VWA5B1: variants seen among roughly 807,000 people sequenced by gnomAD.
VWA5B1 encodes von Willebrand factor A domain containing 5B1.
In VWA5B1, 115 loss-of-function variants were observed where a neutral mutation model predicts 118.2. That is an observed-to-expected ratio of 0.97 (90% confidence interval 0.84 to 1.14). The LOEUF (loss-of-function observed/expected upper bound fraction) is 1.14, where lower values mean the gene tolerates loss of function less well. VWA5B1 is among the 50% of genes most tolerant of loss of function. VWA5B1 has a pLI of 0.00. For missense variants in VWA5B1, 1,596 were observed against 1,603.8 expected (o/e 1.00, Z 0.08); for synonymous variants, 682 against 658.4 (o/e 1.04, Z -0.55).
At position 20,300,405 on chromosome 1, in the gene VWA5B1, G is replaced by T. The variant is rs567420455; in HGVS notation, c.-27+9317G>T. 7.2e-5 allele frequency among the ~76,000 whole-genome samples: 11 copies of T among 152,262 alleles called. 1 individual carries two copies. In the South Asian group the frequency reaches 2.3e-3, roughly 32 times the overall value. On this transcript the variant is annotated intron_variant, in intron 1 of 21. Transcript: ENST00000289815. ...GAATTCTCAAGGTGCACCTCCTCTT[G>T]TTGTTAGATAAAGATGCCAGGACCC... is the stretch of plus-strand genomic sequence containing the variant.
chr1:20,347,663 A>G (rs550320281), intron 17 of VWA5B1, among the ~76,000 whole-genome samples: 36 of 151,652 alleles, frequency 2.4e-4, no homozygotes, highest in African/African-American at 7.8e-4. Context: ...GGGCCTCGCT[A>G]TGTTACCCAG....
intron 1 of VWA5B1, among the ~76,000 whole-genome samples, chr1:20,302,683 G>A (rs1284103173): frequency 6.6e-6 from 1 of 152,194 alleles, no homozygotes; most frequent in Non-Finnish European, 1.5e-5. Flanking sequence ...GACAGATAAC[G>A]TGAGTGGTGC....
chr1:20,291,296 G>T lies in VWA5B1; in HGVS notation c.-27+208G>T, dbSNP rs1245852130. On this transcript the variant is annotated intron_variant, in intron 1 of 21. Transcript: ENST00000289815. ...AGGATGCTTCAGCATAAGAAGTGAG[G>T]GAGCATGGCCACATGTTGCTACTCA... 2.0e-5 allele frequency among the ~76,000 whole-genome samples: 3 copies of T among 150,740 alleles called. No homozygotes were observed. The East Asian group carries it at 5.9e-4, about 30-fold the overall frequency.
chr1:20,291,165 A>AGT (rs71585753), intron 1 of VWA5B1, 77 bp downstream of exon 1: 5,781 of 134,912 alleles, frequency 0.043, 143 homozygotes, highest in African/African-American at 0.085. Flanking sequence ...GGCATGCATG[A>AGT]GTGTGTGTGT....
At position 20,343,338 on chromosome 1, in the gene VWA5B1, C is replaced by A. The variant is rs763021827; in HGVS notation, c.2571C>A (p.Arg857=). 114 of 1,541,928 alleles carry A rather than the reference C, an allele frequency of 7.4e-5. No homozygotes were observed. Among genetic ancestry groups the A allele is most frequent in the Non-Finnish European group, 9.6e-5 (110 of 1,144,998 alleles). ...WSETFHHLAA[R]AIIRDFEQLA... ...AGACCTTCCACCACCTGGCGGCCCG[C>A]GCCATCATCCGCGACTTCGAGCAGC... is the stretch of plus-strand genomic sequence containing the variant. The change falls in exon 16 of 22, where the codon CGC becomes CGA. Residue 857 remains arginine, a synonymous_variant. Coordinates refer to ENST00000289815, the MANE Select transcript of VWA5B1 (RefSeq NM_001039500.3).
intron 1 of VWA5B1, among the ~76,000 whole-genome samples, chr1:20,302,482 A>G (rs538410798): frequency 5.2e-4 from 79 of 152,300 alleles, no homozygotes; most frequent in African/African-American, 1.8e-3. Context: ...CTGAGGAGAG[A>G]CAGAGTCTCC....
Position 20,350,158 on chromosome 1 carries a change from A to G in VWA5B1, c.2881A>G (p.Met961Val). 6.4e-7 allele frequency: 1 copy of G among 1,551,272 alleles called. No individual in the cohort carries two copies. The highest frequency in any genetic ancestry group is 8.7e-7 in the Non-Finnish European group (1 of 1,146,964). ...CCTCACTGGCTCCTCTGTCCTAGAC[A>G]TGGAGGCAAGTCCCACTGCTCTCTT... ...LGEDSAPGND[M>V]EASPTALFSE... Residue 961 changes from methionine to valine, a missense_variant and splice_region_variant, in exon 19 of 22, where the codon ATG (methionine) becomes GTG (valine). Coordinates refer to ENST00000289815, the MANE Select transcript of VWA5B1 (RefSeq NM_001039500.3).
Position 20,355,969 on chromosome 1 carries a change from A to G in VWA5B1, c.*1706A>G, listed in dbSNP as rs2090223604. 6.6e-6 allele frequency among the ~76,000 whole-genome samples: 1 copy of G among 152,182 alleles called. No homozygotes were observed. The highest frequency in any genetic ancestry group is 2.4e-5 in the African/African-American group (1 of 41,438). ...AGGCCTGGACACTGTGGCCATCACA[A>G]CCCCAGGTGGGGCAGGATGCCAATC... On this transcript the variant is annotated 3_prime_UTR_variant, in exon 22 of 22. Coordinates refer to ENST00000289815, the MANE Select transcript of VWA5B1 (RefSeq NM_001039500.3).
chr1:20,329,048 T>C (rs1309875369), intron 9 of VWA5B1, among the ~76,000 whole-genome samples: 1 of 152,208 alleles, frequency 6.6e-6, no homozygotes, highest in African/African-American at 2.4e-5. Flanking sequence ...AATGTAACTG[T>C]AATGGCTTCC....
intron 1 of VWA5B1, among the ~76,000 whole-genome samples, chr1:20,308,716 A>T (rs1437005590): frequency 6.6e-6 from 1 of 152,116 alleles, no homozygotes; most frequent in Non-Finnish European, 1.5e-5. Context: ...ATAAGCCCAG[A>T]GCTGTCTGGG....
intron 16 of VWA5B1, 64 bp from the exon 17 acceptor site, chr1:20,345,392 A>C: frequency 6.5e-7 from 1 of 1,548,766 alleles, no homozygotes; most frequent in Non-Finnish European, 8.7e-7. Flanking sequence ...TTTAGCTTCC[A>C]AAGCTTGTGT....
chr1:20,320,315 A>G (rs1265545434), intron 7 of VWA5B1, among the ~76,000 whole-genome samples: 3 of 152,158 alleles, frequency 2.0e-5, no homozygotes, highest in Admixed American at 2.0e-4. Flanking sequence ...GGGGCAGTTG[A>G]GCTGGATTTC....
At chr1:20,333,696 G>A (rs1222888867) in intron 12 of VWA5B1, among the ~76,000 whole-genome samples, 1 of 152,234 alleles carries the variant, frequency 6.6e-6, no homozygotes, top group Non-Finnish European at 1.5e-5. Context: ...TTACGTGGAT[G>A]ATTCCCTTGT....
intron 1 of VWA5B1, among the ~76,000 whole-genome samples, chr1:20,305,155 G>GA (rs146504125): frequency 0.16 from 24,106 of 151,638 alleles, 2,741 homozygotes; most frequent in African/African-American, 0.32. Flanking sequence ...AAGTGCTAAG[G>GA]AAAAAAAACA....
At chr1:20,335,266 T>C (rs1382886669) in intron 12 of VWA5B1, among the ~76,000 whole-genome samples, 5 of 152,184 alleles carry the variant, frequency 3.3e-5, no homozygotes, top group Admixed American at 6.5e-5. Flanking sequence ...AGTGAACTGA[T>C]GATGCCACTG....
rs1392047872 is a variant in VWA5B1 at position 20,342,319 on chromosome 1, T to C, written c.2134-113T>C. 1.3e-5 allele frequency: 13 copies of C among 1,010,148 alleles called. No individual in the cohort carries two copies. The South Asian group carries it at 2.1e-4, about 17-fold the overall frequency. 62.6% of individuals were successfully genotyped at this position (1,010,148 alleles called of 1,614,324 possible). A position where few individuals can be genotyped will look rare whatever the true frequency, so the allele number is the denominator to read the frequency against. On this transcript the variant is annotated intron_variant, in intron 14 of 21. Coordinates refer to ENST00000289815, the MANE Select transcript of VWA5B1 (RefSeq NM_001039500.3). The stretch of plus-strand genomic sequence containing the variant: ...CAGGAAAGAGCTGGTGGGGTGGGGG[T>C]GGGGGAGCAGAAGGAAGGAGGGTCC...
Position 20,356,495 on chromosome 1 carries a change from AGTCTGATTCTGG to A in VWA5B1, c.*2237_*2248del, listed in dbSNP as rs1268634957. Among the ~76,000 whole-genome samples, 1 of 152,132 alleles carries A rather than the reference AGTCTGATTCTGG, an allele frequency of 6.6e-6. No individual in the cohort carries two copies. The highest frequency in any genetic ancestry group is 1.5e-5 in the Non-Finnish European group (1 of 68,028). On this transcript the variant is annotated 3_prime_UTR_variant, in exon 22 of 22. Transcript: ENST00000289815. The stretch of plus-strand genomic sequence containing the variant: ...CAGCACCTCCCTGCCCCACCAGATG[AGTCTGATTCTGG>A]GTCTCCAGGCCTCAGCCTGGACAAT...
chr1:20,300,158 G>A (rs1036174584), intron 1 of VWA5B1, among the ~76,000 whole-genome samples: 6 of 152,194 alleles, frequency 3.9e-5, no homozygotes, highest in Non-Finnish European at 8.8e-5. Context: ...GCAAAGTGAG[G>A]ATGAGCTGCT....
In VWA5B1 at chr1:20,332,942, T is replaced by C. The variant is rs751988426; in HGVS notation, c.1749T>C (p.Asn583=). 33 of 1,551,882 alleles carry C rather than the reference T, an allele frequency of 2.1e-5. No homozygotes were observed. The highest frequency in any genetic ancestry group is 2.3e-5 in the Non-Finnish European group (26 of 1,147,028). The change falls in exon 12 of 22, where the codon AAT becomes AAC. Residue 583 remains asparagine (N), a synonymous_variant. Transcript: ENST00000289815. ...IVCDASLHIS[N]PRSDKRRRYS... ...GTGATGCTTCTTTGCACATCTCCAA[T>C]CCCAGATCTGTAAGTATCCTAGAAA...
Sources: gnomAD v4.1 joint callset for allele counts (sites outside exome capture counted in the v4.1 genomes callset) on GRCh38, gnomAD v4.1.1 for gene constraint, MANE v1.5 for transcripts, NCBI Gene and HGNC (gene_info 2026-07-23, HGNC 2026-07-21) for gene names.